FMN1: variants seen among roughly 807,000 people sequenced by gnomAD.
FMN1 encodes the protein formin-1.
Under a neutral mutation model 132.4 loss-of-function variants are expected in FMN1, and 110 were observed. That is an observed-to-expected ratio of 0.83 (90% confidence interval 0.71 to 0.97). The LOEUF (loss-of-function observed/expected upper bound fraction) is 0.97, where lower values mean the gene tolerates loss of function less well. Among genes scored for constraint, FMN1 ranks in the 50% least tolerant of loss-of-function variants. The pLI is 0.00. For missense variants in FMN1, 1,792 were observed against 1,705.3 expected (o/e 1.05, Z -0.90); for synonymous variants, 722 against 651.7 (o/e 1.11, Z -1.64).
In FMN1 at chr15:32,776,433, C is replaced by T. The variant is rs115081303; in HGVS notation, c.4215+402G>A. Among the ~76,000 whole-genome samples the T allele has an allele frequency of 8.0e-3, 1,211 of 152,288 alleles. 19 individuals carry two copies. The highest frequency in any genetic ancestry group is 0.028 in the African/African-American group (1,153 of 41,554). On this transcript the variant is annotated intron_variant, in intron 20 of 20. Coordinates refer to ENST00000616417, the MANE Select transcript of FMN1 (RefSeq NM_001277313.2). ...ACCCTGGGTAGGCTGTATCTTTCTGCACTTCAAATTTTCCAACTATCAAAA... is the reference window on the plus strand; with the variant it reads ...ACCCTGGGTAGGCTGTATCTTTCTGTACTTCAAATTTTCCAACTATCAAAA...
intron 16 of FMN1, among the ~76,000 whole-genome samples, chr15:32,881,416 T>C (rs753838784): frequency 1.6e-4 from 25 of 152,206 alleles, no homozygotes; most frequent in Non-Finnish European, 1.6e-4. Context: ...TGTGGTTCTC[T>C]CTATGCTTTA....
chr15:33,007,914 T>C, intron 7 of FMN1, 100 bp downstream of exon 7: 3 of 970,246 alleles, frequency 3.1e-6, no homozygotes, highest in Middle Eastern at 2.1e-4. Flanking sequence ...CGATGCTGTC[T>C]AGTTTAACAC....
intron 9 of FMN1, among the ~76,000 whole-genome samples, chr15:32,945,283 T>C (rs2061485372): frequency 1.3e-5 from 2 of 152,176 alleles, no homozygotes; most frequent in African/African-American, 4.8e-5. Flanking sequence ...CATGAGCCCC[T>C]TTCAGAATAT....
chr15:33,188,922 T>C (rs948962288), intron 2 of FMN1, among the ~76,000 whole-genome samples: 1 of 152,104 alleles, frequency 6.6e-6, no homozygotes, highest in Non-Finnish European at 1.5e-5. Flanking sequence ...ACTAGAAAAA[T>C]ATCTTGTCAC....
At chr15:32,985,963 A>G (rs952868471) in intron 7 of FMN1, among the ~76,000 whole-genome samples, 1 of 152,168 alleles carries the variant, frequency 6.6e-6, no homozygotes, top group South Asian at 2.1e-4. Context: ...GTTTTCGTCC[A>G]TGTGCATCCA....
chr15:32,880,399 A>C (rs1374239247), intron 16 of FMN1, among the ~76,000 whole-genome samples: 2 of 152,106 alleles, frequency 1.3e-5, no homozygotes, highest in Non-Finnish European at 2.9e-5. Flanking sequence ...GATATATTAG[A>C]TGTATTAATT....
At chr15:33,156,678 C>G (rs1041802566) in intron 3 of FMN1, among the ~76,000 whole-genome samples, 1 of 151,976 alleles carries the variant, frequency 6.6e-6, no homozygotes, top group African/African-American at 2.4e-5. Flanking sequence ...TTGGTAAAAA[C>G]TCGCTGCATG....
chr15:32,810,672 T>C (rs1034537309), intron 17 of FMN1, among the ~76,000 whole-genome samples: 3 of 152,022 alleles, frequency 2.0e-5, no homozygotes, highest in African/African-American at 7.2e-5. Context: ...ACAATGAGAG[T>C]GGCTGAAGGA....
intron 6 of FMN1, among the ~76,000 whole-genome samples, chr15:33,009,346 T>C (rs1305904516): frequency 1.3e-5 from 2 of 152,160 alleles, no homozygotes; most frequent in African/African-American, 2.4e-5. Context: ...GTGATCTACA[T>C]AGACATGAAC....
intron 17 of FMN1, among the ~76,000 whole-genome samples, chr15:32,855,052 C>T (rs890604740): frequency 2.7e-5 from 4 of 150,130 alleles, no homozygotes; most frequent in African/African-American, 4.9e-5. Flanking sequence ...AACATAGAGC[C>T]TAACCTATAG....
chr15:32,965,795 G>A (rs1201691696), intron 8 of FMN1, among the ~76,000 whole-genome samples: 2 of 152,102 alleles, frequency 1.3e-5, no homozygotes, highest in East Asian at 1.9e-4. Flanking sequence ...ACATATGGAA[G>A]TTATAAAGTA....
At position 32,766,311 on chromosome 15, in the gene FMN1, TAAG is replaced by T. The variant is rs1460052705; in HGVS notation, c.*7996_*7998del. On this transcript the variant is annotated 3_prime_UTR_variant, in exon 21 of 21. Transcript: ENST00000616417. ...TAGATGTTTGAATCATGAATAGTAG[TAAG>T]AATGGAGCGGCAATAAAAATCCTTA... 5 of 152,198 alleles carry T rather than the reference TAAG, an allele frequency of 3.3e-5. No homozygotes were observed. Among genetic ancestry groups the T allele is most frequent in the East Asian group, 3.8e-4 (2 of 5,198 alleles). 9.4% of individuals were successfully genotyped at this position (152,198 alleles called of 1,614,324 possible).
chr15:32,947,835 T>C (rs936775529), intron 9 of FMN1, among the ~76,000 whole-genome samples: 3 of 152,102 alleles, frequency 2.0e-5, no homozygotes, highest in African/African-American at 7.2e-5. Context: ...TCATATCTAC[T>C]AGGTTTACTC....
chr15:33,069,991 CTCTTTTTTTTTTTTTT>C (rs1339030178), intron 5 of FMN1, among the ~76,000 whole-genome samples: 2 of 59,606 alleles, frequency 3.4e-5, no homozygotes, highest in East Asian at 3.0e-3. Flanking sequence ...ATCAGTCTTT[CTCTTTTTTTTTTTTTT>C]TTTTTTTTTT....
chr15:32,857,089 A>G lies in FMN1; in HGVS notation c.3854T>C (p.Val1285Ala). 6.2e-7 allele frequency: 1 copy of G among 1,613,606 alleles called. No homozygotes were observed. Among genetic ancestry groups the G allele is most frequent in the Non-Finnish European group, 8.5e-7 (1 of 1,179,564 alleles). The stretch of plus-strand genomic sequence containing the variant: ...CTTTGGGGACTCCTTGCACACCACC[A>G]CCATCTGTTTCTCACTTGCTGTGAA... ...RQLEASEKQMVVVCKESPKEY... is the reference protein window; with the variant it reads ...RQLEASEKQMAVVCKESPKEY... Residue 1285 changes from valine (V) to alanine (A), a missense_variant, in exon 17 of 21, where the codon GTG (valine) becomes GCG (alanine). Around this residue, in one of 3 missense-constraint regions of FMN1, gnomAD observed 1,150 missense variants for 1,043.1 expected, o/e 1.10. Coordinates refer to ENST00000616417, the MANE Select transcript of FMN1 (RefSeq NM_001277313.2).
chr15:33,040,160 G>T (rs2036364394), intron 6 of FMN1, among the ~76,000 whole-genome samples: 1 of 152,180 alleles, frequency 6.6e-6, no homozygotes, highest in South Asian at 2.1e-4. Flanking sequence ...GTGCTACTCT[G>T]TCTTTGCTCT....
At chr15:32,818,927 G>GT (rs1488729948) in intron 17 of FMN1, among the ~76,000 whole-genome samples, 2 of 137,228 alleles carry the variant, frequency 1.5e-5, no homozygotes, top group Non-Finnish European at 3.1e-5. Flanking sequence ...ATTTCAGAAA[G>GT]TAAAAAAAAA....
chr15:32,944,030 G>T (rs766247212), intron 9 of FMN1, among the ~76,000 whole-genome samples: 7 of 152,116 alleles, frequency 4.6e-5, no homozygotes, highest in Admixed American at 6.5e-5. Flanking sequence ...CCCTCCCTAC[G>T]ATTTCTAATA....
chr15:32,912,350 A>G (rs376725191), intron 10 of FMN1, among the ~76,000 whole-genome samples: 61 of 152,348 alleles, frequency 4.0e-4, no homozygotes, highest in African/African-American at 1.4e-3. Context: ...GAGAACAACC[A>G]TGGGCTCTGA....
Sources: allele counts gnomAD v4.1 joint callset (sites outside exome capture counted in the v4.1 genomes callset), GRCh38; gene constraint gnomAD v4.1.1; regional missense constraint gnomAD v4.1.1; transcripts MANE v1.5; gene names NCBI Gene and HGNC (gene_info 2026-07-23, HGNC 2026-07-21).